The following ST8SIA4 variants were observed in gnomAD, a reference collection of about 807,000 sequenced individuals.
The protein encoded by ST8SIA4 is CMP-N-acetylneuraminate-poly-alpha-2,8-sialyltransferase.
ST8SIA4 carries 15 observed loss-of-function variants against 33.9 expected under a neutral mutation model. That is an observed-to-expected ratio of 0.44 (90% confidence interval 0.30 to 0.68). The LOEUF (loss-of-function observed/expected upper bound fraction) is 0.68, where lower values mean the gene tolerates loss of function less well. Ranked by LOEUF, ST8SIA4 falls within the 30% of genes least tolerant of loss-of-function variation. The pLI is 0.10. For synonymous variants in ST8SIA4, 171 were observed against 151.2 expected (o/e 1.13, Z -0.96); for missense variants, 321 against 428.0 (o/e 0.75, Z 2.21).
At chr5:100,868,477 A>C (rs959018822) in intron 3 of ST8SIA4, among the ~76,000 whole-genome samples, 14 of 152,024 alleles carry the variant, frequency 9.2e-5, no homozygotes, top group African/African-American at 2.9e-4. Context: ...AGGGACTGTC[A>C]ACTTTATCAA....
At chr5:100,812,780 A>T (rs762225331) in intron 4 of ST8SIA4, among the ~76,000 whole-genome samples, 2 of 152,166 alleles carry the variant, frequency 1.3e-5, no homozygotes, top group African/African-American at 4.8e-5. Context: ...TTCAATGCTG[A>T]TAAGTACTTT....
At chr5:100,816,860 T>C (rs1483046034) in intron 4 of ST8SIA4, among the ~76,000 whole-genome samples, 1 of 152,092 alleles carries the variant, frequency 6.6e-6, no homozygotes, top group African/African-American at 2.4e-5. Context: ...TGGAAGTCTA[T>C]GTCAAGGGTT....
chr5:100,864,318 T>TC (rs1324966059), intron 3 of ST8SIA4, among the ~76,000 whole-genome samples: 1 of 152,088 alleles, frequency 6.6e-6, no homozygotes, highest in Non-Finnish European at 1.5e-5. Context: ...CTCACGCCTG[T>TC]AATCCCAGCA....
chr5:100,852,254 G>A (rs1458655591), intron 4 of ST8SIA4, among the ~76,000 whole-genome samples: 2 of 150,462 alleles, frequency 1.3e-5, no homozygotes, highest in Non-Finnish European at 1.5e-5. Context: ...GCCAAGTAGC[G>A]GGGACTACAG....
intron 4 of ST8SIA4, among the ~76,000 whole-genome samples, chr5:100,844,709 C>G (rs936041251): frequency 4.6e-5 from 7 of 151,974 alleles, no homozygotes; most frequent in Non-Finnish European, 1.0e-4. Flanking sequence ...CAGCTTGCCT[C>G]TGGTGAATGT....
At chr5:100,813,840 A>G (rs981570901) in intron 4 of ST8SIA4, among the ~76,000 whole-genome samples, 1 of 152,018 alleles carries the variant, frequency 6.6e-6, no homozygotes, top group Non-Finnish European at 1.5e-5. Context: ...CTATTTATAA[A>G]TTTTTAAAGT....
chr5:100,852,114 C>CTTTTTTTTTTT, intron 4 of ST8SIA4, among the ~76,000 whole-genome samples: 1 of 83,480 alleles, frequency 1.2e-5, no homozygotes, highest in Non-Finnish European at 2.1e-5. Context: ...CTCCACTCTT[C>CTTTTTTTTTTT]TTTTTTTTTT....
intron 3 of ST8SIA4, among the ~76,000 whole-genome samples, chr5:100,868,598 C>A (rs1358580396): frequency 2.0e-5 from 3 of 151,974 alleles, no homozygotes; most frequent in Non-Finnish European, 4.4e-5. Context: ...TTGGGTCTTT[C>A]ATAACTATTC....
At chr5:100,861,058 C>A (rs1751929625) in intron 3 of ST8SIA4, among the ~76,000 whole-genome samples, 1 of 151,756 alleles carries the variant, frequency 6.6e-6, no homozygotes, top group Admixed American at 6.6e-5. Flanking sequence ...AAATATTAAC[C>A]ATAGGATTAA....
intron 4 of ST8SIA4, among the ~76,000 whole-genome samples, chr5:100,836,577 T>A (rs1751365488): frequency 6.6e-6 from 1 of 152,062 alleles, no homozygotes; most frequent in Non-Finnish European, 1.5e-5. Flanking sequence ...TTACTAAGTA[T>A]AACCTAGAAA....
chr5:100,831,802 A>G (rs1580453622), intron 4 of ST8SIA4, among the ~76,000 whole-genome samples: 1 of 152,108 alleles, frequency 6.6e-6, no homozygotes, highest in South Asian at 2.1e-4. Context: ...AAAAATATAT[A>G]TTTTTTAAAA....
chr5:100,879,403 G>A (rs1015244896), intron 3 of ST8SIA4, among the ~76,000 whole-genome samples: 7 of 152,002 alleles, frequency 4.6e-5, no homozygotes, highest in Admixed American at 1.3e-4. Context: ...TGAATTTGTA[G>A]AGCCCAATAT....
chr5:100,818,224 A>T (rs965273054), intron 4 of ST8SIA4, among the ~76,000 whole-genome samples: 3 of 152,230 alleles, frequency 2.0e-5, no homozygotes, highest in Non-Finnish European at 4.4e-5. Context: ...AAGAACATTC[A>T]GCTTGGAATA....
intron 4 of ST8SIA4, among the ~76,000 whole-genome samples, chr5:100,828,987 A>G (rs1416076301): frequency 6.6e-6 from 1 of 152,244 alleles, no homozygotes; most frequent in Non-Finnish European, 1.5e-5. Flanking sequence ...GCAATATTTG[A>G]GCTCAAAACA....
intron 4 of ST8SIA4, among the ~76,000 whole-genome samples, chr5:100,843,019 A>C (rs1057400664): frequency 6.6e-6 from 1 of 151,930 alleles, no homozygotes; most frequent in Non-Finnish European, 1.5e-5. Context: ...GAACACTGGT[A>C]AAGTTTGCTG....
intron 4 of ST8SIA4, among the ~76,000 whole-genome samples, chr5:100,853,411 T>G (rs1751744991): frequency 6.6e-6 from 1 of 152,214 alleles, no homozygotes; most frequent in Non-Finnish European, 1.5e-5. Context: ...AGTTTAGAAC[T>G]CAATACCTTG....
At chr5:100,895,828 AT>A in intron 1 of ST8SIA4, 43 bp from the exon 2 acceptor site, 2 of 1,606,922 alleles carry the variant, frequency 1.2e-6, no homozygotes, top group Non-Finnish European at 1.7e-6. Context: ...AGTAAGAAAC[AT>A]TTTGTGTATA....
chr5:100,895,189 A>G (rs1430104406), intron 2 of ST8SIA4, among the ~76,000 whole-genome samples: 1 of 152,040 alleles, frequency 6.6e-6, no homozygotes. Context: ...AATTTTTAAA[A>G]CATGAGCCCA....
chr5:100,864,713 G>T (rs1752026934), intron 3 of ST8SIA4, among the ~76,000 whole-genome samples: 1 of 151,692 alleles, frequency 6.6e-6, no homozygotes, highest in Non-Finnish European at 1.5e-5. Flanking sequence ...CATAGTAGGT[G>T]TCCGGTAATC....
Sources: gnomAD v4.1 joint callset for allele counts (sites outside exome capture counted in the v4.1 genomes callset) on GRCh38, gnomAD v4.1.1 for gene constraint, MANE v1.5 for transcripts, NCBI Gene and HGNC (gene_info 2026-07-23, HGNC 2026-07-21) for gene names.